The following HEMK2 variants were observed in gnomAD, a reference collection of about 807,000 sequenced individuals.
HEMK2 encodes the protein methyltransferase HEMK2.
chr21:28,703,924 G>A, the HEMK2 span, among the ~76,000 whole-genome samples: 6 of 152,236 alleles, frequency 3.9e-5, no homozygotes, highest in Admixed American at 1.3e-4. Flanking sequence ...CTTAGGTCAG[G>A]ACACCAACAT....
the HEMK2 span, among the ~76,000 whole-genome samples, chr21:28,737,087 C>A: frequency 6.6e-6 from 1 of 152,070 alleles, no homozygotes; most frequent in Non-Finnish European, 1.5e-5. Context: ...GATTTTCTGT[C>A]CTCAGTGAAG....
the HEMK2 span, among the ~76,000 whole-genome samples, chr21:28,605,990 A>G: frequency 6.6e-6 from 1 of 152,112 alleles, no homozygotes; most frequent in African/African-American, 2.4e-5. Flanking sequence ...AATATGTTAA[A>G]GTAAAATTTT....
chr21:28,869,883 T>C, the HEMK2 span, among the ~76,000 whole-genome samples: 5 of 152,154 alleles, frequency 3.3e-5, no homozygotes, highest in African/African-American at 9.7e-5. Flanking sequence ...TTCACATGAA[T>C]TTAAAATAAT....
the HEMK2 span, among the ~76,000 whole-genome samples, chr21:28,750,422 G>A: frequency 1.3e-5 from 2 of 152,056 alleles, no homozygotes; most frequent in African/African-American, 4.8e-5. Flanking sequence ...GTCTCAGCTG[G>A]GAGCGGTGAC....
chr21:28,592,295 T>A, the HEMK2 span, among the ~76,000 whole-genome samples: 1 of 152,224 alleles, frequency 6.6e-6, no homozygotes, highest in Non-Finnish European at 1.5e-5. Flanking sequence ...ATTTCTCTCA[T>A]GATCAGCGAT....
chr21:28,838,972 A>AAAAAAAATATATATATATAT, the HEMK2 span, among the ~76,000 whole-genome samples: 1 of 29,164 alleles, frequency 3.4e-5, no homozygotes, highest in Non-Finnish European at 5.6e-5. Context: ...AAAAAAAAAA[A>AAAAAAAATATATATATATAT]ATATATATAT....
the HEMK2 span, among the ~76,000 whole-genome samples, chr21:28,790,632 G>A: frequency 6.6e-6 from 1 of 152,022 alleles, no homozygotes; most frequent in African/African-American, 2.4e-5. Context: ...CATAGTCACT[G>A]AATGAATAAA....
At chr21:28,721,955 AATC>A in the HEMK2 span, among the ~76,000 whole-genome samples, 9 of 151,616 alleles carry the variant, frequency 5.9e-5, no homozygotes, top group African/African-American at 2.2e-4. Flanking sequence ...TATTTGATGC[AATC>A]ATCAAACCCA....
the HEMK2 span, among the ~76,000 whole-genome samples, chr21:28,598,216 T>C: frequency 2.0e-5 from 3 of 152,222 alleles, no homozygotes; most frequent in African/African-American, 7.2e-5. Flanking sequence ...TTCTGCCTGA[T>C]AAGAGTCCTT....
chr21:28,597,535 G>A, the HEMK2 span, among the ~76,000 whole-genome samples: 1 of 152,166 alleles, frequency 6.6e-6, no homozygotes. Flanking sequence ...AGCAGACACT[G>A]GACCCAGTTA....
chr21:28,652,367 T>A, the HEMK2 span, among the ~76,000 whole-genome samples: 110 of 152,258 alleles, frequency 7.2e-4, no homozygotes, highest in African/African-American at 2.6e-3. Flanking sequence ...CCCAATCAGA[T>A]TGGAAAGAAG....
chr21:28,772,995 T>A, the HEMK2 span, among the ~76,000 whole-genome samples: 1 of 152,212 alleles, frequency 6.6e-6, no homozygotes, highest in Non-Finnish European at 1.5e-5. Flanking sequence ...ATGAGTTTTA[T>A]CAAATAAAAA....
chr21:28,658,708 G>A, the HEMK2 span, among the ~76,000 whole-genome samples: 15,306 of 152,068 alleles, frequency 0.1, 976 homozygotes, highest in East Asian at 0.3. Context: ...TTAAGAAATC[G>A]TATTATATCG....
chr21:28,853,908 C>T, the HEMK2 span, among the ~76,000 whole-genome samples: 1 of 152,216 alleles, frequency 6.6e-6, no homozygotes, highest in Non-Finnish European at 1.5e-5. Flanking sequence ...CTCACTTTAA[C>T]AGTAGACACC....
At chr21:28,810,327 C>A in the HEMK2 span, among the ~76,000 whole-genome samples, 1 of 152,104 alleles carries the variant, frequency 6.6e-6, no homozygotes, top group Non-Finnish European at 1.5e-5. Context: ...CAGGGACTTA[C>A]AAAACTGTTA....
At chr21:28,739,419 T>G in the HEMK2 span, among the ~76,000 whole-genome samples, 12 of 152,214 alleles carry the variant, frequency 7.9e-5, no homozygotes, top group Non-Finnish European at 1.5e-4. Flanking sequence ...CTAAATATAA[T>G]ATGGTATAGA....
At chr21:28,828,065 A>G in the HEMK2 span, among the ~76,000 whole-genome samples, 1 of 152,298 alleles carries the variant, frequency 6.6e-6, no homozygotes, top group Admixed American at 6.5e-5. Context: ...CTCCACTAGC[A>G]TAGGCTTTTC....
the HEMK2 span, among the ~76,000 whole-genome samples, chr21:28,809,365 AT>A: frequency 1.3e-5 from 2 of 152,202 alleles, no homozygotes; most frequent in African/African-American, 4.8e-5. Context: ...CTGAGTTTGG[AT>A]TTTATGGTCT....
At chr21:28,683,507 A>G in the HEMK2 span, among the ~76,000 whole-genome samples, 1 of 152,198 alleles carries the variant, frequency 6.6e-6, no homozygotes, top group Non-Finnish European at 1.5e-5. Context: ...CAGTATCTCG[A>G]GAAATTTTAT....
Sources: gnomAD v4.1 joint callset for allele counts (sites outside exome capture counted in the v4.1 genomes callset) on GRCh38, gnomAD v4.1.1 for gene constraint, MANE v1.5 for transcripts, NCBI Gene and HGNC (gene_info 2026-07-23, HGNC 2026-07-21) for gene names.